Variants in TLL1 observed in about 807,000 individuals in gnomAD.
The protein encoded by TLL1 is tolloid like 1.
In TLL1, 49 loss-of-function variants were observed where a neutral mutation model predicts 128.2. The observed-to-expected ratio is 0.38, with a 90% CI of 0.30 to 0.48. TLL1 has a LOEUF of 0.48. TLL1 is among the 20% of genes least tolerant of loss of function. The pLI is 0.96. For missense variants in TLL1, 1,123 were observed against 1,242.0 expected, an observed-to-expected ratio of 0.90 and a Z score of 1.44; for synonymous variants, 454 against 418.8, an observed-to-expected ratio of 1.08 and a Z score of -1.03.
chr4:165,927,858 G>A (rs1185345802), intron 1 of TLL1, among the ~76,000 whole-genome samples: 2 of 152,176 alleles, frequency 1.3e-5, no homozygotes, highest in African/African-American at 4.8e-5. Flanking sequence ...CTGAGGTTGA[G>A]ACCTCTTTGT....
At position 166,074,001 on chromosome 4, in the gene TLL1, T is replaced by G. The variant is rs139904963; in HGVS notation, c.2189-877T>G. Among the ~76,000 whole-genome samples the G allele has an allele frequency of 2.6e-5, 4 of 152,202 alleles. No homozygotes were observed. The East Asian group carries it at 7.8e-4, about 30-fold the overall frequency. On this transcript the variant is annotated intron_variant, in intron 16 of 20. Transcript: ENST00000061240. ...GTGTGTCAGGAGCAATCTGCCAGTT[T>G]TGACGTTAATGGACAGGCCAGCTAT...
intron 12 of TLL1, chr4:166,044,543 AT>A: frequency 1.1e-6 from 1 of 947,260 alleles, no homozygotes; most frequent in Non-Finnish European, 1.5e-6. Context: ...TACTTTAATC[AT>A]TATGTTGTAT....
chr4:166,099,172 C>T lies in TLL1; in HGVS notation c.2657-105C>T, dbSNP rs10018177. The T allele has an allele frequency of 0.31, 478,114 of 1,534,050 alleles. 76,889 individuals are homozygous for T. Among genetic ancestry groups the T allele is most frequent in the Admixed American group, 0.39 (23,373 of 59,570 alleles). On this transcript the variant is annotated intron_variant, in intron 19 of 20. Coordinates refer to ENST00000061240, the MANE Select transcript of TLL1 (RefSeq NM_012464.5). The stretch of plus-strand genomic sequence containing the variant: ...ACATATCTGACGCTGGAAGTAGAAA[C>T]AGAAGTTAGACAATGGCTAGGCTAC...
intron 1 of TLL1, among the ~76,000 whole-genome samples, chr4:165,980,714 G>C (rs1458133313): frequency 3.9e-5 from 6 of 151,976 alleles, no homozygotes; most frequent in Non-Finnish European, 7.4e-5. Context: ...TAAATAGAAG[G>C]CAAAATAGTC....
At chr4:166,033,782 C>A (rs1738879478) in intron 9 of TLL1, among the ~76,000 whole-genome samples, 1 of 152,134 alleles carries the variant, frequency 6.6e-6, no homozygotes, top group Admixed American at 6.6e-5. Context: ...ATGCTGGCAA[C>A]AATCCAAAAT....
chr4:165,963,459 A>C (rs1259853991), intron 1 of TLL1, among the ~76,000 whole-genome samples: 2 of 151,970 alleles, frequency 1.3e-5, no homozygotes. Flanking sequence ...CATTTTCAGT[A>C]CTTTATGCTT....
intron 12 of TLL1, among the ~76,000 whole-genome samples, chr4:166,045,727 C>A (rs1739435520): frequency 6.6e-6 from 1 of 152,120 alleles, no homozygotes; most frequent in African/African-American, 2.4e-5. Flanking sequence ...CCCTCTGTGT[C>A]AGCTCGTCTC....
chr4:165,914,649 C>T (rs1579480435), intron 1 of TLL1, among the ~76,000 whole-genome samples: 1 of 152,134 alleles, frequency 6.6e-6, no homozygotes, highest in Non-Finnish European at 1.5e-5. Flanking sequence ...GTGATGAGTT[C>T]CTCTTGCACC....
At chr4:165,910,476 AAATCTT>A (rs1297221312) in intron 1 of TLL1, among the ~76,000 whole-genome samples, 1 of 152,200 alleles carries the variant, frequency 6.6e-6, no homozygotes, top group Admixed American at 6.5e-5. Flanking sequence ...ATTGATTCCT[AAATCTT>A]AATTTCTTCT....
Position 166,074,932 on chromosome 4 carries a change from C to G in TLL1, c.2243C>G (p.Thr748Arg). 1.2e-6 allele frequency: 2 copies of G among 1,613,622 alleles called. No homozygotes were observed. ...GGATGTCAGCACGAATGTGTCAACA[C>G]GATGGGGAGCTACATGTGTCAATGC... ...NGGCQHECVN[T>R]MGSYMCQCRN... Residue 748 changes from threonine (T) to arginine (R), a missense_variant, in exon 17 of 21, where the codon ACG becomes AGG. Transcript: ENST00000061240.
At chr4:165,964,333 AAGTT>A (rs1286590535) in intron 1 of TLL1, among the ~76,000 whole-genome samples, 1 of 152,222 alleles carries the variant, frequency 6.6e-6, no homozygotes, top group Admixed American at 6.5e-5. Context: ...TACACATAGT[AAGTT>A]AGTTATGAGG....
At chr4:165,876,129 A>G (rs966743202) in intron 1 of TLL1, among the ~76,000 whole-genome samples, 1 of 152,234 alleles carries the variant, frequency 6.6e-6, no homozygotes, top group African/African-American at 2.4e-5. Flanking sequence ...GGAAATAAGA[A>G]TGGCCTAAGT....
chr4:165,908,970 G>T (rs1429137499), intron 1 of TLL1, among the ~76,000 whole-genome samples: 1 of 152,184 alleles, frequency 6.6e-6, no homozygotes, highest in African/African-American at 2.4e-5. Flanking sequence ...GCCGAGGCAG[G>T]CTGATCACTT....
rs138917682 is a variant in TLL1 at position 165,927,993 on chromosome 4, GTC to G, written c.169+53926_169+53927del. On this transcript the variant is annotated intron_variant, in intron 1 of 20. Transcript: ENST00000061240. The stretch of plus-strand genomic sequence containing the variant: ...TCACTTGGTATGGAGATGAGTAAGC[GTC>G]TCTCTGTTTTACGCTAAATGTAAGC... Among the ~76,000 whole-genome samples, 369 of 151,996 alleles carry G rather than the reference GTC, an allele frequency of 2.4e-3. 3 individuals are homozygous for G. Among genetic ancestry groups the G allele is most frequent in the African/African-American group, 8.7e-3 (362 of 41,452 alleles).
intron 1 of TLL1, among the ~76,000 whole-genome samples, chr4:165,912,901 A>G (rs1732603511): frequency 6.6e-6 from 1 of 151,994 alleles, no homozygotes; most frequent in African/African-American, 2.4e-5. Flanking sequence ...GAAAAAAAAA[A>G]AGCTTTTGGA....
chr4:166,005,219 A>G (rs963118053), intron 6 of TLL1, among the ~76,000 whole-genome samples: 1 of 152,002 alleles, frequency 6.6e-6, no homozygotes, highest in Admixed American at 6.6e-5. Context: ...AGGACAAATA[A>G]TGATTCAATT....
chr4:165,978,705 A>G (rs1053798994), intron 1 of TLL1, among the ~76,000 whole-genome samples: 1 of 152,042 alleles, frequency 6.6e-6, no homozygotes, highest in Non-Finnish European at 1.5e-5. Flanking sequence ...GCATACGTTC[A>G]TTTGTTTCTT....
chr4:166,074,787 T>G, intron 16 of TLL1, 91 bp from the exon 17 acceptor site: 2 of 1,491,136 alleles, frequency 1.3e-6, no homozygotes, highest in South Asian at 2.3e-5. Context: ...AGTTTACCCT[T>G]TGGCAGTGTT....
At chr4:166,038,441 C>T (rs569811476) in intron 9 of TLL1, among the ~76,000 whole-genome samples, 2 of 151,378 alleles carry the variant, frequency 1.3e-5, no homozygotes, top group Non-Finnish European at 2.9e-5. Flanking sequence ...GAGCCTTAAG[C>T]ATCTCAGATG....
Sources: gnomAD v4.1 joint callset for allele counts (sites outside exome capture counted in the v4.1 genomes callset) on GRCh38, gnomAD v4.1.1 for gene constraint, MANE v1.5 for transcripts, NCBI Gene and HGNC (gene_info 2026-07-23, HGNC 2026-07-21) for gene names.